Variants in GPC5 observed in about 807,000 individuals in gnomAD.
The protein encoded by GPC5 is glypican 5, also known as glypican-5.
GPC5 carries 47 observed loss-of-function variants against 53.9 expected under a neutral mutation model. The observed-to-expected ratio is 0.87, with a 90% CI of 0.69 to 1.11. GPC5 has a LOEUF of 1.11. Among genes scored for constraint, GPC5 ranks in the 50% most tolerant of loss-of-function variants. The probability of loss-of-function intolerance (pLI) is 0.00; values close to 1 mark genes in which losing one functional copy is unlikely to be tolerated. For synonymous variants in GPC5, 286 were observed against 263.3 expected, an observed-to-expected ratio of 1.09 and a Z score of -0.84; for missense variants, 748 against 713.1, an observed-to-expected ratio of 1.05 and a Z score of -0.56.
At chr13:92,604,352 A>G in intron 7 of GPC5, among the ~76,000 whole-genome samples, 1 of 152,224 alleles carries the variant, frequency 6.6e-6, no homozygotes, top group South Asian at 2.1e-4. Flanking sequence ...TAATATTTGT[A>G]AATACTCAAT....
intron 6 of GPC5, among the ~76,000 whole-genome samples, chr13:91,952,181 C>G (rs1200070539): frequency 9.9e-6 from 1 of 100,716 alleles, no homozygotes; most frequent in Non-Finnish European, 2.2e-5. Context: ...CTTTCTCTCT[C>G]TCTCTCTCTG....
At chr13:92,641,897 A>AT (rs1371929522) in intron 7 of GPC5, among the ~76,000 whole-genome samples, 1 of 151,950 alleles carries the variant, frequency 6.6e-6, no homozygotes, top group African/African-American at 2.4e-5. Context: ...ATTTTACCTT[A>AT]TTTTTTTCCT....
At chr13:91,909,331 T>C (rs967221355) in intron 6 of GPC5, among the ~76,000 whole-genome samples, 9 of 152,168 alleles carry the variant, frequency 5.9e-5, no homozygotes, top group African/African-American at 9.7e-5. Context: ...GAGTGCATAA[T>C]TGATAATAAA....
At chr13:92,593,254 A>C (rs994066397) in intron 7 of GPC5, among the ~76,000 whole-genome samples, 1 of 151,308 alleles carries the variant, frequency 6.6e-6, no homozygotes, top group Non-Finnish European at 1.5e-5. Context: ...GCAGGAGTGC[A>C]TGACAGTGGC....
At chr13:92,421,956 T>C (rs551962731) in intron 7 of GPC5, among the ~76,000 whole-genome samples, 1 of 152,150 alleles carries the variant, frequency 6.6e-6, no homozygotes, top group Non-Finnish European at 1.5e-5. Context: ...ATTCTCTCAG[T>C]ATTTGACTTC....
intron 7 of GPC5, among the ~76,000 whole-genome samples, chr13:92,390,479 T>C (rs1221196895): frequency 1.3e-5 from 2 of 152,188 alleles, no homozygotes; most frequent in East Asian, 3.9e-4. Context: ...TGTTCCACTT[T>C]TCTGCATGAC....
At chr13:91,898,433 C>A (rs146182142) in intron 5 of GPC5, among the ~76,000 whole-genome samples, 3 of 152,122 alleles carry the variant, frequency 2.0e-5, no homozygotes, top group African/African-American at 7.2e-5. Context: ...GTTTCCTTCC[C>A]TAGGTCTTCG....
chr13:91,993,719 G>A (rs961408433), intron 6 of GPC5, among the ~76,000 whole-genome samples: 5 of 152,066 alleles, frequency 3.3e-5, no homozygotes, highest in East Asian at 1.9e-4. Context: ...GTGAAAGACC[G>A]ATTCCTTTCT....
chr13:91,841,809 C>A (rs1731345228), intron 5 of GPC5, among the ~76,000 whole-genome samples: 1 of 152,120 alleles, frequency 6.6e-6, no homozygotes, highest in Non-Finnish European at 1.5e-5. Flanking sequence ...GTACAACTGA[C>A]AAACTATTTC....
At chr13:92,217,166 C>T (rs759352542) in intron 7 of GPC5, among the ~76,000 whole-genome samples, 10 of 152,066 alleles carry the variant, frequency 6.6e-5, no homozygotes, top group Non-Finnish European at 8.8e-5. Flanking sequence ...ACAGTGCATT[C>T]GCAATGGTTG....
intron 2 of GPC5, among the ~76,000 whole-genome samples, chr13:91,466,420 A>G (rs932152081): frequency 1.3e-5 from 2 of 152,162 alleles, no homozygotes; most frequent in African/African-American, 2.4e-5. Flanking sequence ...TTGTGACAGG[A>G]ACAAACTTTA....
chr13:91,787,994 G>A (rs1361393304), intron 5 of GPC5, among the ~76,000 whole-genome samples: 1 of 152,170 alleles, frequency 6.6e-6, no homozygotes, highest in Non-Finnish European at 1.5e-5. Flanking sequence ...TCCTGAGGGT[G>A]AGAGCTTTTT....
intron 2 of GPC5, among the ~76,000 whole-genome samples, chr13:91,473,061 G>T (rs1031992024): frequency 2.6e-5 from 4 of 152,142 alleles, no homozygotes; most frequent in Non-Finnish European, 4.4e-5. Context: ...GACAGAAGGG[G>T]AAGCAGGCAT....
At chr13:92,695,554 A>G (rs765068110) in intron 7 of GPC5, among the ~76,000 whole-genome samples, 7 of 152,008 alleles carry the variant, frequency 4.6e-5, no homozygotes, top group Non-Finnish European at 1.0e-4. Context: ...CTCCAATACT[A>G]TGCCCAGAAG....
chr13:91,678,426 C>T (rs1242578132), intron 2 of GPC5, among the ~76,000 whole-genome samples: 1 of 152,124 alleles, frequency 6.6e-6, no homozygotes, highest in Non-Finnish European at 1.5e-5. Context: ...ACTCCTTAGC[C>T]ATTGCTATAA....
chr13:92,178,097 A>G (rs2042121188), intron 7 of GPC5, among the ~76,000 whole-genome samples: 2 of 152,198 alleles, frequency 1.3e-5, no homozygotes. Context: ...AGTTAGGCTC[A>G]ATTTATTCCG....
At chr13:91,405,870 C>T (rs1441619574) in intron 1 of GPC5, among the ~76,000 whole-genome samples, 1 of 152,196 alleles carries the variant, frequency 6.6e-6, no homozygotes, top group Non-Finnish European at 1.5e-5. Context: ...TCCCTAGGTT[C>T]AGGTAGTTCT....
intron 7 of GPC5, among the ~76,000 whole-genome samples, chr13:92,599,158 A>G (rs1370478833): frequency 6.6e-6 from 1 of 152,226 alleles, no homozygotes; most frequent in Non-Finnish European, 1.5e-5. Context: ...AATGTTTGAT[A>G]CAACAGACAT....
At chr13:92,053,201 A>G (rs1270075711) in intron 6 of GPC5, among the ~76,000 whole-genome samples, 1 of 152,188 alleles carries the variant, frequency 6.6e-6, no homozygotes, top group Non-Finnish European at 1.5e-5. Flanking sequence ...ATAAAGTTTC[A>G]ATTCAGGAAT....
Sources: gnomAD v4.1 joint callset for allele counts (sites outside exome capture counted in the v4.1 genomes callset) on GRCh38, gnomAD v4.1.1 for gene constraint, MANE v1.5 for transcripts, NCBI Gene and HGNC (gene_info 2026-07-23, HGNC 2026-07-21) for gene names.